PC: variants seen among roughly 807,000 people sequenced by gnomAD.
PC encodes pyruvate carboxylase.
PC carries 46 observed loss-of-function variants against 107.8 expected under a neutral mutation model. The ratio of observed to expected loss-of-function variants is 0.43; its 90% CI spans 0.34 to 0.55. The LOEUF is 0.55. Ranked by LOEUF, PC falls within the 20% of genes least tolerant of loss-of-function variation. The pLI, the probability that PC is intolerant of heterozygous loss-of-function variation, is 0.04. For missense variants in PC, 1,241 were observed against 1,643.1 expected, an observed-to-expected ratio of 0.76 and a Z score of 4.23; for synonymous variants, 662 against 684.7, an observed-to-expected ratio of 0.97 and a Z score of 0.52.
chr11:66,866,123 C>G lies in PC; in HGVS notation c.1185+64G>C. On this transcript the variant is annotated intron_variant, in intron 11 of 22. Coordinates refer to ENST00000393960, the MANE Select transcript of PC (RefSeq NM_001040716.2). This position sits in a 1 kb window ranked among gnomAD's most constrained non-coding sequence, Gnocchi z 5.4. ...CTGTGGCAACTTGGCACTGCAGCCCCAGGCACCAGGCAGAACCTGTGCACA... is the reference window on the plus strand; with the variant it reads ...CTGTGGCAACTTGGCACTGCAGCCCGAGGCACCAGGCAGAACCTGTGCACA... 6.4e-7 allele frequency: 1 copy of G among 1,557,444 alleles called. No homozygotes were observed. Among genetic ancestry groups the G allele is most frequent in the Non-Finnish European group, 8.7e-7 (1 of 1,148,050 alleles).
rs573280100 is a variant in PC at position 66,870,466 on chromosome 11, G to A, written c.752-13C>T. The A allele has an allele frequency of 1.2e-5, 19 of 1,612,262 alleles. No homozygotes were observed. The South Asian group carries it at 2.0e-4, about 17-fold the overall frequency. On this transcript the variant is annotated splice_polypyrimidine_tract_variant and intron_variant, in intron 8 of 22. Coordinates refer to ENST00000393960, the MANE Select transcript of PC (RefSeq NM_001040716.2). The surrounding 1 kb of genome is among the most constrained non-coding windows in gnomAD (Gnocchi z 6.1). The stretch of plus-strand genomic sequence containing the variant: ...CCATACTGGTCCCCTGGGGAGGGAG[G>A]TAAACTGGGCTTAGCTTTTACTGGA...
Position 66,871,316 on chromosome 11 carries a change from C to T in PC, c.486G>A (p.Ala162=), listed in dbSNP as rs142416378. 1.1e-4 allele frequency: 177 copies of T among 1,613,910 alleles called. No homozygotes were observed. Among genetic ancestry groups the T allele is most frequent in the African/African-American group, 2.5e-4 (19 of 74,934 alleles). Residue 162 remains alanine (A), a splice_region_variant and synonymous_variant, in exon 6 of 23, where the codon GCG becomes GCA. Coordinates refer to ENST00000393960, the MANE Select transcript of PC (RefSeq NM_001040716.2). This position sits in a 1 kb window ranked among gnomAD's most constrained non-coding sequence, Gnocchi z 7.4. ...CCCTTGCTTGCCCGTTATATTCACC[C>T]GCAGCAATGGCGATGGCCCGGGCCT... ...KVEARAIAIA[A]GVPVVPGTDA...
intron 13 of PC, 179 bp from the exon 14 acceptor site, chr11:66,853,015 G>C: frequency 1.4e-6 from 1 of 697,532 alleles, no homozygotes; most frequent in South Asian, 1.9e-5. Flanking sequence ...GGGACGTCTT[G>C]AGGACCACGT....
In PC at chr11:66,849,364, G is replaced by GCTCCAC; in HGVS notation, c.3148_3153dup (p.Val1050_Glu1051dup). 6.2e-7 allele frequency: 1 copy of GCTCCAC among 1,612,704 alleles called. No homozygotes were observed. The highest frequency in any genetic ancestry group is 8.5e-7 in the Non-Finnish European group (1 of 1,180,034). On this transcript the variant is annotated inframe_insertion, in exon 22 of 23. Transcript: ENST00000393960. ...ATGTGCAGCGTCTTGCCCCGCTCCA[G>GCTCCAC]CTCCACCTGCAGGGAGGGTGTGCAG... is the stretch of plus-strand genomic sequence containing the variant.
chr11:66,924,990 C>A (rs1948679779), intron 3 of PC, among the ~76,000 whole-genome samples: 1 of 152,004 alleles, frequency 6.6e-6, no homozygotes, highest in African/African-American at 2.4e-5. Context: ...TCCGTGATGC[C>A]CCCCAGCCAT....
chr11:66,929,239 C>T (rs975439200), intron 3 of PC, among the ~76,000 whole-genome samples: 4 of 152,180 alleles, frequency 2.6e-5, no homozygotes, highest in South Asian at 2.1e-4. Flanking sequence ...GGGGAGTGGC[C>T]GAAACCACTT....
intron 12 of PC, among the ~76,000 whole-genome samples, chr11:66,863,199 G>T (rs1204068619): frequency 6.6e-6 from 1 of 152,112 alleles, no homozygotes; most frequent in African/African-American, 2.4e-5. Flanking sequence ...AATTAGCCGG[G>T]CGTGGTGGGG....
At chr11:66,865,551 G>T (rs913016614) in intron 11 of PC, among the ~76,000 whole-genome samples, 1 of 152,208 alleles carries the variant, frequency 6.6e-6, no homozygotes, top group African/African-American at 2.4e-5. Context: ...GAGGAAGAAA[G>T]GTACAGGGAG....
chr11:66,883,703 G>GT (rs1274703872), intron 3 of PC, among the ~76,000 whole-genome samples: 31 of 152,180 alleles, frequency 2.0e-4, no homozygotes, highest in African/African-American at 7.2e-4. Flanking sequence ...TGTACAGTGC[G>GT]TAAGACCAGA....
At chr11:66,887,271 G>T (rs149731192) in intron 3 of PC, among the ~76,000 whole-genome samples, 1 of 151,994 alleles carries the variant, frequency 6.6e-6, no homozygotes, top group African/African-American at 2.4e-5. Flanking sequence ...CAGTGTGAAC[G>T]GTCAGCGAAC....
At chr11:66,854,844 T>G (rs1347237711) in intron 12 of PC, among the ~76,000 whole-genome samples, 2 of 152,230 alleles carry the variant, frequency 1.3e-5, no homozygotes, top group African/African-American at 4.8e-5. Flanking sequence ...TGTGCCTGTC[T>G]GCCCCTGAGC....
intron 10 of PC, among the ~76,000 whole-genome samples, chr11:66,868,318 C>T (rs978868516): frequency 6.6e-6 from 1 of 152,212 alleles, no homozygotes; most frequent in Non-Finnish European, 1.5e-5. Context: ...CGGAATAGTA[C>T]GCAGCCACTA....
At position 66,849,878 on chromosome 11, in the gene PC, G is replaced by C; in HGVS notation, c.2899-19C>G. 3 of 1,613,618 alleles carry C rather than the reference G, an allele frequency of 1.9e-6. No homozygotes were observed. Among genetic ancestry groups the C allele is most frequent in the Non-Finnish European group, 2.5e-6 (3 of 1,180,020 alleles). ...TCAGTACCTGGGGAGCAAAGCAGAG[G>C]ATCAGTCCCAAGTCCTGCATCCAGC... On this transcript the variant is annotated intron_variant, in intron 20 of 22. Transcript: ENST00000393960.
At chr11:66,880,063 C>G (rs773441561) in intron 3 of PC, among the ~76,000 whole-genome samples, 4 of 152,196 alleles carry the variant, frequency 2.6e-5, no homozygotes, top group Non-Finnish European at 4.4e-5. Context: ...TGGGGCCCAA[C>G]AGACATAAAG....
At chr11:66,938,001 C>T (rs1470241082) in intron 3 of PC, among the ~76,000 whole-genome samples, 1 of 152,112 alleles carries the variant, frequency 6.6e-6, no homozygotes. Context: ...TGGTCTCGAT[C>T]TCTCGACCTC....
At position 66,871,310 on chromosome 11, in the gene PC, T is replaced by C; in HGVS notation, c.487+5A>G. ...GGCCACCCCTTGCTTGCCCGTTATA[T>C]TCACCCGCAGCAATGGCGATGGCCC... is the stretch of plus-strand genomic sequence containing the variant. On this transcript the variant is annotated splice_donor_5th_base_variant and intron_variant, in intron 6 of 22. Coordinates refer to ENST00000393960, the MANE Select transcript of PC (RefSeq NM_001040716.2). This position sits in a 1 kb window ranked among gnomAD's most constrained non-coding sequence, Gnocchi z 7.4. 1 of 1,614,022 alleles carries C rather than the reference T, an allele frequency of 6.2e-7. No individual in the cohort carries two copies. The highest frequency in any genetic ancestry group is 8.5e-7 in the Non-Finnish European group (1 of 1,180,024).
chr11:66,874,124 T>G (rs1490200134), intron 3 of PC, among the ~76,000 whole-genome samples: 1 of 152,146 alleles, frequency 6.6e-6, no homozygotes, highest in African/African-American at 2.4e-5. Context: ...CACGCCCAGC[T>G]AATTTTTGTA....
chr11:66,860,053 G>T (rs1355003703), intron 12 of PC: 14 of 1,571,396 alleles, frequency 8.9e-6, no homozygotes, highest in African/African-American at 1.4e-5. Context: ...CTGGACCTGG[G>T]AGATGCCGGG....
intron 12 of PC, chr11:66,859,915 G>A (rs1321815031): frequency 6.3e-7 from 1 of 1,583,970 alleles, no homozygotes; most frequent in Non-Finnish European, 8.6e-7. Flanking sequence ...CGGGGCCGGG[G>A]GGCCGGAAAT....
Sources: allele counts gnomAD v4.1 joint callset (sites outside exome capture counted in the v4.1 genomes callset), GRCh38; gene constraint gnomAD v4.1.1; non-coding constraint Gnocchi (gnomAD v3.1); transcripts MANE v1.5; gene names NCBI Gene and HGNC (gene_info 2026-07-23, HGNC 2026-07-21).